The following SNX6 variants were observed in gnomAD, a reference collection of about 807,000 sequenced individuals.
SNX6 encodes the protein sorting nexin 6, also known as sorting nexin-6.
Under a neutral mutation model 63.0 loss-of-function variants are expected in SNX6, and 34 were observed. The observed-to-expected ratio is 0.54, with a 90% confidence interval of 0.41 to 0.72. SNX6 has a LOEUF of 0.72. Ranked by LOEUF, SNX6 falls within the 30% of genes least tolerant of loss-of-function variation. The probability of loss-of-function intolerance (pLI) is 0.00; values close to 1 mark genes in which losing one functional copy is unlikely to be tolerated. For synonymous variants in SNX6, 170 were observed against 164.2 expected, an observed-to-expected ratio of 1.04 and a Z score of -0.27; for missense variants, 398 against 471.4, an observed-to-expected ratio of 0.84 and a Z score of 1.44.
At chr14:34,570,346 G>A (rs1413427428) in intron 11 of SNX6, among the ~76,000 whole-genome samples, 2 of 151,150 alleles carry the variant, frequency 1.3e-5, no homozygotes, top group East Asian at 1.9e-4. Flanking sequence ...GATTACAGGT[G>A]TGAGCCACTG....
rs1156755682 is a variant in SNX6, at chr14:34,608,070, T to C, written c.230A>G (p.His77Arg). 1.9e-6 allele frequency: 3 copies of C among 1,609,564 alleles called. No homozygotes were observed. The highest frequency in any genetic ancestry group is 2.2e-5 in the South Asian group (2 of 90,426). The change falls in exon 4 of 14, where the codon CAT becomes CGT. Residue 77 changes from histidine (H) to arginine (R), a missense_variant. His to Arg is a conservative substitution (Grantham distance 29, BLOSUM62 0). Transcript: ENST00000362031. ...GTCTTCATTTTCAACAAAGGAATCATGAAGCCAGATAAATTCCTCATGTTG... is the reference window on the plus strand; with the variant it reads ...GTCTTCATTTTCAACAAAGGAATCACGAAGCCAGATAAATTCCTCATGTTG... ...VRQHEEFIWLHDSFVENEDYA... is the reference protein window; with the variant it reads ...VRQHEEFIWLRDSFVENEDYA...
chr14:34,583,816 C>T (rs1489057690), intron 9 of SNX6, among the ~76,000 whole-genome samples: 2 of 149,992 alleles, frequency 1.3e-5, no homozygotes, highest in Non-Finnish European at 3.0e-5. Context: ...TTTCCTTCTT[C>T]CTGATAAGAA....
intron 12 of SNX6, 27 bp downstream of exon 12, chr14:34,567,827 T>A: frequency 6.2e-7 from 1 of 1,613,372 alleles, no homozygotes; most frequent in Non-Finnish European, 8.5e-7. Context: ...AAGCATATCT[T>A]GTGATTAAAG....
intron 2 of SNX6, among the ~76,000 whole-genome samples, chr14:34,612,688 C>G (rs1883277197): frequency 6.6e-6 from 1 of 151,960 alleles, no homozygotes; most frequent in Admixed American, 6.6e-5. Context: ...CCTGCCTCAG[C>G]CTCCCAAAGT....
intron 5 of SNX6, chr14:34,604,307 G>C: frequency 8.1e-7 from 1 of 1,228,862 alleles, no homozygotes; most frequent in Non-Finnish European, 1.0e-6. Flanking sequence ...AGGGCCACTG[G>C]AAAATCACAG....
At chr14:34,609,371 C>G (rs937939522) in intron 3 of SNX6, among the ~76,000 whole-genome samples, 1 of 150,232 alleles carries the variant, frequency 6.7e-6, no homozygotes, top group Non-Finnish European at 1.5e-5. Context: ...GTCCCAGCTA[C>G]TCTGGAGGCT....
chr14:34,589,753 A>C (rs1882317104), intron 8 of SNX6, among the ~76,000 whole-genome samples: 1 of 152,002 alleles, frequency 6.6e-6, no homozygotes, highest in South Asian at 2.1e-4. Context: ...AACCCACGAG[A>C]CGGGGGTGGG....
chr14:34,563,885 T>C (rs925808883), intron 13 of SNX6, among the ~76,000 whole-genome samples: 3 of 152,140 alleles, frequency 2.0e-5, no homozygotes, highest in Admixed American at 2.0e-4. Context: ...ATTACAGGTG[T>C]CTGCCACCAT....
At chr14:34,579,693 A>C (rs1224233533) in intron 10 of SNX6, among the ~76,000 whole-genome samples, 1 of 151,984 alleles carries the variant, frequency 6.6e-6, no homozygotes, top group Non-Finnish European at 1.5e-5. Context: ...AGAAACAGAC[A>C]TAAAAGAATA....
chr14:34,564,387 A>G (rs1017723181), intron 13 of SNX6, among the ~76,000 whole-genome samples: 1 of 152,154 alleles, frequency 6.6e-6, no homozygotes, highest in East Asian at 1.9e-4. Context: ...TAACCATAGA[A>G]CACCCAGTTG....
chr14:34,596,633 AGAG>A (rs1452490232), intron 7 of SNX6, among the ~76,000 whole-genome samples: 1 of 132,420 alleles, frequency 7.6e-6, no homozygotes, highest in Non-Finnish European at 1.7e-5. Flanking sequence ...AAAAAAAAAA[AGAG>A]AGAGAGAGAA....
intron 8 of SNX6, among the ~76,000 whole-genome samples, chr14:34,588,738 C>T (rs549514753): frequency 3.0e-4 from 45 of 151,992 alleles, no homozygotes; most frequent in Non-Finnish European, 4.7e-4. Flanking sequence ...GATGCCAGTT[C>T]TCTCCAAATT....
intron 11 of SNX6, among the ~76,000 whole-genome samples, chr14:34,569,876 A>G (rs1424771983): frequency 6.6e-6 from 1 of 152,164 alleles, no homozygotes; most frequent in Non-Finnish European, 1.5e-5. Flanking sequence ...TTATGTGGAC[A>G]TGGTTTCATT....
At chr14:34,593,452 T>A (rs1422708100) in intron 7 of SNX6, among the ~76,000 whole-genome samples, 1 of 151,632 alleles carries the variant, frequency 6.6e-6, no homozygotes, top group Non-Finnish European at 1.5e-5. Flanking sequence ...TAGGCTGGAG[T>A]GCAGTGGCGT....
In SNX6 at chr14:34,597,617, T is replaced by G; in HGVS notation, c.545A>C (p.Glu182Ala). The G allele has an allele frequency of 6.2e-7, 1 of 1,606,522 alleles. No individual in the cohort carries two copies. Among genetic ancestry groups the G allele is most frequent in the Non-Finnish European group, 8.5e-7 (1 of 1,175,490 alleles). The change falls in exon 7 of 14, where the codon GAG (glutamate) becomes GCG (alanine). Residue 182 changes from glutamate to alanine, a missense_variant. Physicochemically the swap from Glu to Ala is moderately radical, Grantham distance 107 (BLOSUM62 -1). Transcript: ENST00000362031. The stretch of plus-strand genomic sequence containing the variant: ...GTTTTTAAAGAAGTCTTCAAGTTTC[T>G]CTTTTTTATTTTTTCCTCGCACACT... ...DLSVRGKNKK[E>A]KLEDFFKNMV...
chr14:34,597,567 T>C lies in SNX6; in HGVS notation c.595A>G (p.Ile199Val), dbSNP rs1188814930. 6.3e-7 allele frequency: 1 copy of C among 1,599,408 alleles called. No individual in the cohort carries two copies. Among genetic ancestry groups the C allele is most frequent in the South Asian group, 1.1e-5 (1 of 89,522 alleles). Residue 199 changes from isoleucine to valine, a missense_variant, in exon 7 of 14, where the codon ATC (isoleucine) becomes GTC (valine). Physicochemically the swap from Ile to Val is conservative, Grantham distance 29. Transcript: ENST00000362031. ...KNMVKSADGV[I>V]VSGVKDVDDF... is the part of the protein sequence containing the mutation. ...AATCTTACCTTTACTCCTGAAACGA[T>C]TACTCCATCTGCTGATTTAACCATG...
At chr14:34,611,748 CAAAAAAAAAA>C (rs1171892665) in intron 2 of SNX6, among the ~76,000 whole-genome samples, 1 of 107,160 alleles carries the variant, frequency 9.3e-6, no homozygotes, top group South Asian at 3.4e-4. Context: ...GACACTGTCT[CAAAAAAAAAA>C]AAAAAAAAAG....
rs540939550 is a variant in SNX6 at position 34,603,033 on chromosome 14, T to C, written c.516+315A>G. Among the ~76,000 whole-genome samples, 9 of 148,172 alleles carry C rather than the reference T, an allele frequency of 6.1e-5. No homozygotes were observed. In the South Asian group the frequency reaches 1.7e-3, roughly 28 times the overall value. On this transcript the variant is annotated intron_variant, in intron 6 of 13. Coordinates refer to ENST00000362031, the MANE Select transcript of SNX6 (RefSeq NM_152233.4). ...TGGCTCACGCCTGTAATCCTAGCAC[T>C]TTGGGAGGCCGAGGTGGGTGGATCA...
intron 13 of SNX6, among the ~76,000 whole-genome samples, chr14:34,564,753 G>A (rs1051048107): frequency 1.3e-5 from 2 of 151,600 alleles, no homozygotes; most frequent in African/African-American, 2.4e-5. Flanking sequence ...CTTGAACCCG[G>A]GAGGCAGAGG....
Sources: gnomAD v4.1 joint callset for allele counts (sites outside exome capture counted in the v4.1 genomes callset) on GRCh38, gnomAD v4.1.1 for gene constraint, MANE v1.5 for transcripts, NCBI Gene and HGNC (gene_info 2026-07-23, HGNC 2026-07-21) for gene names.